Variants in NBEAL1 observed in about 807,000 individuals in gnomAD.
NBEAL1 encodes the protein neurobeachin-like protein 1.
In NBEAL1, 273 loss-of-function variants were observed where a neutral mutation model predicts 351.3. The ratio of observed to expected loss-of-function variants is 0.78; its 90% confidence interval spans 0.70 to 0.86. The LOEUF is 0.86. NBEAL1 is among the 40% of genes least tolerant of loss of function. The pLI, the probability that NBEAL1 is intolerant of heterozygous loss-of-function variation, is 0.00. For synonymous variants in NBEAL1, 1,050 were observed against 1,086.4 expected (o/e 0.97, Z 0.66); for missense variants, 2,961 against 3,201.3 (o/e 0.92, Z 1.81).
intron 18 of NBEAL1, among the ~76,000 whole-genome samples, chr2:203,117,928 AT>A (rs1428429711): frequency 3.3e-5 from 5 of 151,922 alleles, no homozygotes; most frequent in African/African-American, 9.7e-5. Context: ...GGCTCAAGCA[AT>A]TCTTCCACTT....
intron 2 of NBEAL1, among the ~76,000 whole-genome samples, chr2:203,022,243 T>C (rs2105995176): frequency 6.6e-6 from 1 of 152,284 alleles, no homozygotes; most frequent in South Asian, 2.1e-4. Flanking sequence ...AAGATTAAGC[T>C]ATTTTTGTTC....
At position 203,183,323 on chromosome 2, in the gene NBEAL1, G is replaced by T; in HGVS notation, c.6640G>T (p.Asp2214Tyr). 6.2e-7 allele frequency: 1 copy of T among 1,602,176 alleles called. No individual in the cohort carries two copies. ...RLQISKELVN[D>Y]VILPKWAKSA... ...ACAGATTTCCAAAGAATTAGTAAAT[G>T]ATGTCATTCTCCCGAAATGGGCTAA... is the stretch of plus-strand genomic sequence containing the variant. The change falls in exon 44 of 56, where the codon GAT becomes TAT. Residue 2214 changes from aspartate (D) to tyrosine (Y), a missense_variant. By Grantham distance (160) the Asp-to-Tyr change is radical (BLOSUM62 -3). Transcript: ENST00000683969.
intron 11 of NBEAL1, among the ~76,000 whole-genome samples, chr2:203,099,088 C>T (rs929369500): frequency 2.0e-5 from 3 of 151,908 alleles, no homozygotes; most frequent in African/African-American, 7.3e-5. Flanking sequence ...CCAGCCTGAC[C>T]AACATGGAGA....
chr2:203,209,236 C>G lies in NBEAL1; in HGVS notation c.7699C>G (p.Leu2567Val). The G allele has an allele frequency of 1.2e-6, 2 of 1,613,744 alleles. No individual in the cohort carries two copies. The highest frequency in any genetic ancestry group is 1.7e-6 in the Non-Finnish European group (2 of 1,179,684). ...TTTACGACCACCTTGTGAGAGTTCT[C>G]TGTTCCTGACCATTCCTAATTTGGC... ...RTLRPPCESS[L>V]FLTIPNLAIS... The change falls in exon 53 of 56, where the codon CTG (leucine) becomes GTG (valine). Residue 2567 changes from leucine (L) to valine (V), a missense_variant. Coordinates refer to ENST00000683969, the MANE Select transcript of NBEAL1 (RefSeq NM_001378026.1).
rs1035825930 is a variant in NBEAL1, at chr2:203,140,072, G to A, written c.4848+1324G>A. On this transcript the variant is annotated intron_variant, in intron 31 of 55. Coordinates refer to ENST00000683969, the MANE Select transcript of NBEAL1 (RefSeq NM_001378026.1). ...TCCCAGTACTTTGGGAGGCCGAGGC[G>A]GGCGGATCACCTGAGGTCCGAAGTT... Among the ~76,000 whole-genome samples, 4 of 151,806 alleles carry A rather than the reference G, an allele frequency of 2.6e-5. No homozygotes were observed. In the South Asian group the frequency reaches 8.3e-4, roughly 32 times the overall value.
At chr2:203,115,783 A>G (rs1277053473) in intron 17 of NBEAL1, among the ~76,000 whole-genome samples, 1 of 152,210 alleles carries the variant, frequency 6.6e-6, no homozygotes, top group African/African-American at 2.4e-5. Flanking sequence ...ATTTTCTGTA[A>G]TGGAAATTGA....
chr2:203,114,843 C>G (rs2062654066), intron 17 of NBEAL1, among the ~76,000 whole-genome samples: 1 of 117,696 alleles, frequency 8.5e-6, no homozygotes. Context: ...CCTCTGTCTC[C>G]TGGGTTCAAG....
chr2:203,043,383 T>C (rs978229211), intron 3 of NBEAL1, among the ~76,000 whole-genome samples: 3 of 152,180 alleles, frequency 2.0e-5, no homozygotes, highest in Admixed American at 1.3e-4. Context: ...GTAAGAGAGA[T>C]TGGCTGGGGT....
intron 8 of NBEAL1, among the ~76,000 whole-genome samples, chr2:203,081,746 G>C (rs975808174): frequency 1.3e-5 from 2 of 152,112 alleles, no homozygotes; most frequent in Non-Finnish European, 2.9e-5. Flanking sequence ...TTCACATTTG[G>C]GGCTCTAAGA....
intron 42 of NBEAL1, among the ~76,000 whole-genome samples, chr2:203,177,484 T>TA (rs1293526368): frequency 1.3e-5 from 2 of 151,666 alleles, no homozygotes; most frequent in African/African-American, 4.8e-5. Flanking sequence ...TCAAAGGAGA[T>TA]ATGCAAATGT....
intron 31 of NBEAL1, among the ~76,000 whole-genome samples, chr2:203,143,001 A>G (rs1337185097): frequency 6.6e-6 from 1 of 152,172 alleles, no homozygotes; most frequent in Non-Finnish European, 1.5e-5. Flanking sequence ...TCCTGCAAAG[A>G]CCTGTGTGTA....
intron 35 of NBEAL1, among the ~76,000 whole-genome samples, chr2:203,154,508 TAC>T (rs560861326): frequency 1.3e-5 from 2 of 152,170 alleles, no homozygotes; most frequent in South Asian, 4.1e-4. Context: ...TTGTTTTACT[TAC>T]TCCAATACTG....
intron 12 of NBEAL1, among the ~76,000 whole-genome samples, chr2:203,101,245 T>C (rs1043746389): frequency 2.6e-5 from 4 of 152,206 alleles, no homozygotes; most frequent in African/African-American, 9.7e-5. Flanking sequence ...CAGTACTATT[T>C]ATTGAAAAGG....
intron 47 of NBEAL1, among the ~76,000 whole-genome samples, chr2:203,195,314 ATGCTTT>A (rs2065209307): frequency 6.6e-6 from 1 of 152,200 alleles, no homozygotes; most frequent in Non-Finnish European, 1.5e-5. Context: ...ATTTTGGTAC[ATGCTTT>A]CACGTGTTTG....
chr2:203,126,278 T>G (rs927943059), intron 21 of NBEAL1, among the ~76,000 whole-genome samples, 185 bp downstream of exon 21: 1 of 152,190 alleles, frequency 6.6e-6, no homozygotes, highest in Admixed American at 6.5e-5. Context: ...AAGAAATACT[T>G]ATTTTATGTA....
At chr2:203,131,255 G>A (rs553631513) in intron 25 of NBEAL1, among the ~76,000 whole-genome samples, 73 of 152,018 alleles carry the variant, frequency 4.8e-4, no homozygotes, top group South Asian at 4.4e-3. Context: ...TCGCTCTGTC[G>A]CCTAGGCTGG....
chr2:203,126,397 G>A (rs946469591), intron 21 of NBEAL1, among the ~76,000 whole-genome samples, 160 bp from the exon 22 acceptor site: 7 of 151,926 alleles, frequency 4.6e-5, no homozygotes, highest in Non-Finnish European at 1.0e-4. Flanking sequence ...AATATATTCT[G>A]GTCTAATATC....
intron 18 of NBEAL1, among the ~76,000 whole-genome samples, chr2:203,120,697 A>G (rs2062809870): frequency 6.6e-6 from 1 of 152,160 alleles, no homozygotes; most frequent in Admixed American, 6.6e-5. Flanking sequence ...GAAGAGTAAT[A>G]TTATCGGATT....
intron 10 of NBEAL1, among the ~76,000 whole-genome samples, chr2:203,091,857 T>G (rs2062071319): frequency 1.3e-5 from 2 of 152,236 alleles, no homozygotes; most frequent in South Asian, 4.1e-4. Context: ...TAAAGTCTTT[T>G]TTGTTATGCA....
Sources: allele counts gnomAD v4.1 joint callset (sites outside exome capture counted in the v4.1 genomes callset), GRCh38; gene constraint gnomAD v4.1.1; transcripts MANE v1.5; gene names NCBI Gene and HGNC (gene_info 2026-07-23, HGNC 2026-07-21).